The following CLIP4 variants were observed in gnomAD, a reference collection of about 807,000 sequenced individuals.
The protein encoded by CLIP4 is CAP-Gly domain-containing linker protein 4.
Under a neutral mutation model 73.1 loss-of-function variants are expected in CLIP4, and 47 were observed. That is an observed-to-expected ratio of 0.64 (90% CI 0.51 to 0.82). The LOEUF is 0.82. Ranked by LOEUF, CLIP4 falls within the 40% of genes least tolerant of loss-of-function variation. CLIP4 has a pLI of 0.00. For synonymous variants in CLIP4, 306 were observed against 295.4 expected, an observed-to-expected ratio of 1.04 and a Z score of -0.37; for missense variants, 874 against 852.9, an observed-to-expected ratio of 1.02 and a Z score of -0.31.
chr2:29,183,362 A>G lies in CLIP4; in HGVS notation c.*1469A>G, dbSNP rs546704686. ...CTTTTTAAAATAGTGTGGTATTTCA[A>G]ATATTGCTAGAGCTATTTTCCTGAA... On this transcript the variant is annotated 3_prime_UTR_variant, in exon 16 of 16. Coordinates refer to ENST00000320081, the MANE Select transcript of CLIP4 (RefSeq NM_024692.6). The G allele has an allele frequency of 6.5e-6, 1 of 152,682 alleles. No individual in the cohort carries two copies. The highest frequency in any genetic ancestry group is 1.5e-5 in the Non-Finnish European group (1 of 68,036). The allele number at this position is 152,682 out of a possible 1,614,324, so 9.5% of individuals were successfully genotyped here.
At position 29,160,314 on chromosome 2, in the gene CLIP4, C is replaced by T; in HGVS notation, c.1400-19C>T. ...CTCTTTTCCTGCCCTGCCCCTGTAT[C>T]CCTCCCTGACTTAAACAGGTTTGAA... On this transcript the variant is annotated intron_variant, in intron 11 of 15. Coordinates refer to ENST00000320081, the MANE Select transcript of CLIP4 (RefSeq NM_024692.6). The T allele has an allele frequency of 6.2e-7, 1 of 1,613,892 alleles. No homozygotes were observed. The highest frequency in any genetic ancestry group is 8.5e-7 in the Non-Finnish European group (1 of 1,179,886).
chr2:29,133,771 G>A lies in CLIP4; in HGVS notation c.484G>A (p.Val162Ile), dbSNP rs376449358. 4.8e-5 allele frequency: 77 copies of A among 1,611,950 alleles called. No individual in the cohort carries two copies. The highest frequency in any genetic ancestry group is 6.3e-5 in the Non-Finnish European group (74 of 1,179,496). The change falls in exon 5 of 16, where the codon GTC becomes ATC. Residue 162 changes from valine to isoleucine, a missense_variant. Transcript: ENST00000320081. ...NALHYAAYFD[V>I]PELIRVILKT... is the part of the protein sequence containing the mutation. ...TTTGCATTATGCTGCTTATTTTGAT[G>A]TCCCTGAACTTATAAGAGTGATTTT...
intron 11 of CLIP4, among the ~76,000 whole-genome samples, chr2:29,159,223 T>C (rs1171570467): frequency 6.6e-6 from 1 of 152,182 alleles, no homozygotes; most frequent in Non-Finnish European, 1.5e-5. Flanking sequence ...TTTCCTTGTT[T>C]AGTTGCTGTG....
intron 2 of CLIP4, among the ~76,000 whole-genome samples, 175 bp from the exon 3 acceptor site, chr2:29,131,082 GT>G (rs1345674902): frequency 6.6e-6 from 1 of 152,074 alleles, no homozygotes; most frequent in African/African-American, 2.4e-5. Context: ...GATTTTTAAA[GT>G]ATTTAGTAAG....
In CLIP4 at chr2:29,181,988, T is replaced by G. The variant is rs1226063406; in HGVS notation, c.*95T>G. 1 of 1,090,338 alleles carries G rather than the reference T, an allele frequency of 9.2e-7. No homozygotes were observed. The highest frequency in any genetic ancestry group is 1.6e-5 in the African/African-American group (1 of 62,472). The allele number at this position is 1,090,338 out of a possible 1,614,324, so 67.5% of individuals were successfully genotyped here. A position where few individuals can be genotyped will look rare whatever the true frequency, so the allele number is the denominator to read the frequency against. On this transcript the variant is annotated 3_prime_UTR_variant, in exon 16 of 16. Coordinates refer to ENST00000320081, the MANE Select transcript of CLIP4 (RefSeq NM_024692.6). ...TACTTTATTTAGCCATATTAAAATT[T>G]TGAAAATATAGTTATCTTCTTAAAA...
At chr2:29,110,119 A>G (rs982568129) in intron 1 of CLIP4, among the ~76,000 whole-genome samples, 1 of 152,186 alleles carries the variant, frequency 6.6e-6, no homozygotes, top group Non-Finnish European at 1.5e-5. Flanking sequence ...AACTGAATGG[A>G]AATATCTGAG....
chr2:29,156,853 A>T (rs947611534), intron 10 of CLIP4, among the ~76,000 whole-genome samples: 1 of 82,458 alleles, frequency 1.2e-5, no homozygotes, highest in African/African-American at 4.3e-5. Flanking sequence ...ACATATTAAT[A>T]TCATGTTTAA....
intron 2 of CLIP4, among the ~76,000 whole-genome samples, chr2:29,128,733 C>T (rs1254000099): frequency 2.0e-5 from 3 of 152,016 alleles, no homozygotes; most frequent in Non-Finnish European, 4.4e-5. Flanking sequence ...ATTCTCTCTC[C>T]CTCTTCTGAA....
chr2:29,181,521 T>C, intron 15 of CLIP4, 51 bp from the exon 16 acceptor site: 1 of 1,426,960 alleles, frequency 7.0e-7, no homozygotes, highest in Non-Finnish European at 9.5e-7. Context: ...ATGCATTGCA[T>C]TACGTGGCTT....
chr2:29,145,218 T>C lies in CLIP4; in HGVS notation c.886-14T>C. The C allele has an allele frequency of 6.2e-7, 1 of 1,609,240 alleles. No individual in the cohort carries two copies. Among genetic ancestry groups the C allele is most frequent in the Non-Finnish European group, 8.5e-7 (1 of 1,177,750 alleles). On this transcript the variant is annotated splice_polypyrimidine_tract_variant and intron_variant, in intron 7 of 15. Coordinates refer to ENST00000320081, the MANE Select transcript of CLIP4 (RefSeq NM_024692.6). ...ATAATTCCCCAAAATTATTCTGGTTTATATTTTCTTTAGGTTGGTACATTA... is the reference window on the plus strand; with the variant it reads ...ATAATTCCCCAAAATTATTCTGGTTCATATTTTCTTTAGGTTGGTACATTA...
At chr2:29,164,603 G>A (rs1667487272) in intron 13 of CLIP4, among the ~76,000 whole-genome samples, 1 of 152,146 alleles carries the variant, frequency 6.6e-6, no homozygotes, top group Non-Finnish European at 1.5e-5. Context: ...GAAGCTGCTT[G>A]GTGTGCCTTT....
At chr2:29,107,310 G>A (rs1668236808) in intron 1 of CLIP4, among the ~76,000 whole-genome samples, 1 of 144,772 alleles carries the variant, frequency 6.9e-6, no homozygotes, top group Admixed American at 7.0e-5. Flanking sequence ...GTGTGTGCAT[G>A]TGATACAAAG....
intron 6 of CLIP4, among the ~76,000 whole-genome samples, chr2:29,143,421 G>A (rs1486977601): frequency 2.2e-5 from 3 of 134,958 alleles, no homozygotes; most frequent in African/African-American, 8.0e-5. Context: ...TTCCCTCCAG[G>A]CCACTTATGA....
chr2:29,137,971 T>G (rs1222584849), intron 6 of CLIP4, among the ~76,000 whole-genome samples: 2 of 152,184 alleles, frequency 1.3e-5, no homozygotes, highest in African/African-American at 4.8e-5. Flanking sequence ...TTTACTCTGT[T>G]GATAGTTTCT....
intron 1 of CLIP4, among the ~76,000 whole-genome samples, chr2:29,117,578 C>A (rs1226010139): frequency 1.3e-5 from 2 of 152,212 alleles, no homozygotes; most frequent in Non-Finnish European, 2.9e-5. Flanking sequence ...GTGATCTGCC[C>A]ATCTCGGCCT....
intron 1 of CLIP4, among the ~76,000 whole-genome samples, chr2:29,110,337 G>A (rs1326213815): frequency 6.6e-6 from 1 of 152,198 alleles, no homozygotes; most frequent in Non-Finnish European, 1.5e-5. Context: ...AGCAGTAGGA[G>A]GTTCCTGGGG....
chr2:29,102,181 T>G (rs1668069652), intron 1 of CLIP4, among the ~76,000 whole-genome samples: 1 of 152,138 alleles, frequency 6.6e-6, no homozygotes, highest in Non-Finnish European at 1.5e-5. Flanking sequence ...TAATCTCTTC[T>G]CACTACTAGG....
chr2:29,130,752 T>C (rs2148485272), intron 2 of CLIP4: 3 of 1,265,556 alleles, frequency 2.4e-6, no homozygotes, highest in Admixed American at 2.6e-5. Context: ...CTTTTAGTTA[T>C]GCTGACTCTA....
intron 6 of CLIP4, among the ~76,000 whole-genome samples, chr2:29,140,294 T>C (rs1284849743): frequency 6.6e-6 from 1 of 152,122 alleles, no homozygotes; most frequent in East Asian, 1.9e-4. Flanking sequence ...GTGTTCTCAT[T>C]GTTCAATTCC....
Sources: allele counts gnomAD v4.1 joint callset (sites outside exome capture counted in the v4.1 genomes callset), GRCh38; gene constraint gnomAD v4.1.1; transcripts MANE v1.5; gene names NCBI Gene and HGNC (gene_info 2026-07-23, HGNC 2026-07-21).